Variants in ROBO1 observed in about 807,000 individuals in gnomAD.
The protein encoded by ROBO1 is roundabout guidance receptor 1.
A neutral mutation model predicts 195.9 loss-of-function variants in ROBO1; 149 were observed. That is an observed-to-expected ratio of 0.76 (90% CI 0.67 to 0.87). The LOEUF (loss-of-function observed/expected upper bound fraction) is 0.87, where lower values mean the gene tolerates loss of function less well. Ranked by LOEUF, ROBO1 falls within the 40% of genes least tolerant of loss-of-function variation. ROBO1 has a pLI of 0.00. For synonymous variants in ROBO1, 816 were observed against 733.2 expected (o/e 1.11, Z -1.82); for missense variants, 1,933 against 2,068.3 (o/e 0.93, Z 1.27).
intron 2 of ROBO1, among the ~76,000 whole-genome samples, chr3:79,308,901 G>A (rs550482186): frequency 4.6e-4 from 70 of 152,218 alleles, no homozygotes; most frequent in African/African-American, 1.6e-3. Flanking sequence ...GAAAACAATT[G>A]AACAATATTC....
intron 3 of ROBO1, among the ~76,000 whole-genome samples, chr3:78,967,157 G>A (rs1408832210): frequency 6.6e-6 from 1 of 151,934 alleles, no homozygotes; most frequent in Admixed American, 6.6e-5. Flanking sequence ...TACTGTTGAT[G>A]GCTGCCTGAA....
chr3:79,166,732 A>AT (rs574187614), intron 2 of ROBO1, among the ~76,000 whole-genome samples: 3,568 of 151,328 alleles, frequency 0.024, 66 homozygotes, highest in Non-Finnish European at 0.037. Context: ...CGCCTGGCTA[A>AT]TTTTTTTTGT....
At chr3:79,375,586 GC>G (rs1477508304) in intron 2 of ROBO1, among the ~76,000 whole-genome samples, 1 of 152,190 alleles carries the variant, frequency 6.6e-6, no homozygotes, top group Non-Finnish European at 1.5e-5. Flanking sequence ...GCTTCTCAGG[GC>G]CCCAGCCAAG....
chr3:78,799,829 A>G (rs2084309695), intron 4 of ROBO1, among the ~76,000 whole-genome samples: 1 of 152,136 alleles, frequency 6.6e-6, no homozygotes, highest in Non-Finnish European at 1.5e-5. Flanking sequence ...TCCTAATGCC[A>G]TGAATCACTT....
intron 2 of ROBO1, among the ~76,000 whole-genome samples, chr3:79,275,025 G>A (rs759121682): frequency 1.8e-4 from 28 of 151,964 alleles, no homozygotes; most frequent in Admixed American, 4.6e-4. Flanking sequence ...TCAGGACCCA[G>A]TAGATACGCT....
intron 1 of ROBO1, among the ~76,000 whole-genome samples, chr3:79,610,656 C>T (rs1220139824): frequency 6.6e-6 from 1 of 151,902 alleles, no homozygotes; most frequent in African/African-American, 2.4e-5. Flanking sequence ...TGTGAGCAAG[C>T]CTTCAGATTC....
At position 78,617,780 on chromosome 3, in the gene ROBO1, C is replaced by T. The variant is rs770494845; in HGVS notation, c.4137G>A (p.Glu1379=). Residue 1379 remains glutamate (E), a synonymous_variant, in exon 27 of 31, where the codon GAG becomes GAA. Coordinates refer to ENST00000464233, the MANE Select transcript of ROBO1 (RefSeq NM_002941.4). ...AGCGTCCGCTGGAAATGTTGTCCTC[C>T]TCTGAGGCTGAGCCCCAGCCGTTGA... ...SMINGWGSAS[E]EDNISSGRSS... is the part of the protein sequence containing the mutation. 43 of 1,613,806 alleles carry T rather than the reference C, an allele frequency of 2.7e-5. No homozygotes were observed. The highest frequency in any genetic ancestry group is 3.6e-5 in the Non-Finnish European group (42 of 1,179,872).
At chr3:78,838,050 T>C (rs2032891916) in intron 4 of ROBO1, among the ~76,000 whole-genome samples, 1 of 152,346 alleles carries the variant, frequency 6.6e-6, no homozygotes, top group South Asian at 2.1e-4. Flanking sequence ...GTGACTTCCA[T>C]ATTAGTAATA....
chr3:78,910,668 C>A (rs1240974073), intron 4 of ROBO1, among the ~76,000 whole-genome samples: 1 of 151,888 alleles, frequency 6.6e-6, no homozygotes, highest in Non-Finnish European at 1.5e-5. Context: ...ACATAAATGA[C>A]CCTCTCAAGT....
chr3:79,696,535 T>C (rs1947455280), intron 1 of ROBO1, among the ~76,000 whole-genome samples: 1 of 150,786 alleles, frequency 6.6e-6, no homozygotes, highest in Non-Finnish European at 1.5e-5. Flanking sequence ...TCCATGGCAA[T>C]GAATCTTGTA....
chr3:78,833,007 C>G (rs778401767), intron 4 of ROBO1, among the ~76,000 whole-genome samples: 1 of 152,058 alleles, frequency 6.6e-6, no homozygotes, highest in East Asian at 1.9e-4. Flanking sequence ...GGCCTCACAT[C>G]GCATGCTAAG....
At chr3:79,709,830 C>A (rs994233736) in intron 1 of ROBO1, among the ~76,000 whole-genome samples, 10 of 152,112 alleles carry the variant, frequency 6.6e-5, no homozygotes, top group Non-Finnish European at 1.0e-4. Flanking sequence ...AAGAGAGGCC[C>A]CAGAGAGCTA....
chr3:79,262,808 A>G (rs181893729), intron 2 of ROBO1, among the ~76,000 whole-genome samples: 1 of 152,204 alleles, frequency 6.6e-6, no homozygotes, highest in East Asian at 1.9e-4. Flanking sequence ...CGTTTGCCAA[A>G]TTGGGAATTC....
intron 4 of ROBO1, among the ~76,000 whole-genome samples, chr3:78,787,310 C>G (rs1031740553): frequency 5.3e-5 from 8 of 152,066 alleles, no homozygotes; most frequent in African/African-American, 9.7e-5. Flanking sequence ...AATAATATAA[C>G]TATTCATGAT....
chr3:79,746,326 C>T (rs546563921), intron 1 of ROBO1, among the ~76,000 whole-genome samples: 3 of 151,934 alleles, frequency 2.0e-5, no homozygotes, highest in East Asian at 3.9e-4. Flanking sequence ...AAAAAGAAAT[C>T]GCCACTTTTT....
At chr3:79,144,860 T>C (rs2080611472) in intron 2 of ROBO1, among the ~76,000 whole-genome samples, 1 of 152,002 alleles carries the variant, frequency 6.6e-6, no homozygotes, top group Non-Finnish European at 1.5e-5. Context: ...AATAGCAATG[T>C]ATCTTGTTAG....
intron 2 of ROBO1, among the ~76,000 whole-genome samples, chr3:79,276,729 A>G (rs557718560): frequency 2.6e-5 from 4 of 152,186 alleles, no homozygotes; most frequent in African/African-American, 9.6e-5. Context: ...CCATCTGACA[A>G]GGGATTAATA....
At chr3:79,055,447 TCA>T (rs1313990661) in intron 3 of ROBO1, among the ~76,000 whole-genome samples, 1 of 152,006 alleles carries the variant, frequency 6.6e-6, no homozygotes, top group Non-Finnish European at 1.5e-5. Flanking sequence ...ACCTTCCTCC[TCA>T]CTTAAACATC....
chr3:78,855,226 T>C (rs1048521389), intron 4 of ROBO1, among the ~76,000 whole-genome samples: 42 of 152,154 alleles, frequency 2.8e-4, no homozygotes, highest in African/African-American at 9.2e-4. Context: ...GTATCCCAAA[T>C]GGAGTCTGCA....
Sources: gnomAD v4.1 joint callset for allele counts (sites outside exome capture counted in the v4.1 genomes callset) on GRCh38, gnomAD v4.1.1 for gene constraint, MANE v1.5 for transcripts, NCBI Gene and HGNC (gene_info 2026-07-23, HGNC 2026-07-21) for gene names.